The following LIPE variants were observed in gnomAD, a reference collection of about 807,000 sequenced individuals.
The protein encoded by LIPE is lipase E, hormone sensitive type.
LIPE carries 66 observed loss-of-function variants against 88.5 expected under a neutral mutation model. The observed-to-expected ratio is 0.75, with a 90% CI of 0.61 to 0.91. LIPE has a LOEUF of 0.91. LIPE is among the 40% of genes least tolerant of loss of function. The pLI, the probability that LIPE is intolerant of heterozygous loss-of-function variation, is 0.00. For missense variants in LIPE, 1,346 were observed against 1,434.7 expected, an observed-to-expected ratio of 0.94 and a Z score of 1.00; for synonymous variants, 570 against 617.5, an observed-to-expected ratio of 0.92 and a Z score of 1.14.
At chr19:42,412,725 G>T in intron 1 of LIPE, 1 of 230,890 alleles carries the variant, frequency 4.3e-6, no homozygotes, top group Non-Finnish European at 7.1e-6. Flanking sequence ...CCCCAGTCCT[G>T]AACAAACCGT....
intron 1 of LIPE, chr19:42,423,731 A>G: frequency 1.8e-6 from 2 of 1,130,552 alleles, no homozygotes; most frequent in Non-Finnish European, 2.2e-6. Context: ...AGAATTTAAG[A>G]TCTGGCTCCG....
chr19:42,412,995 C>T (rs544867594), intron 1 of LIPE, among the ~76,000 whole-genome samples: 4 of 152,296 alleles, frequency 2.6e-5, no homozygotes, highest in East Asian at 3.9e-4. Context: ...GTAACCTGGA[C>T]CTGCCACTTA....
intron 1 of LIPE, among the ~76,000 whole-genome samples, chr19:42,418,770 G>C (rs1332373928): frequency 6.6e-6 from 1 of 152,184 alleles, no homozygotes; most frequent in Admixed American, 6.5e-5. Context: ...CAACAAATTT[G>C]TGTGACTCAC....
intron 1 of LIPE, chr19:42,424,865 G>C (rs1375692655): frequency 2.0e-5 from 7 of 352,166 alleles, no homozygotes; most frequent in Non-Finnish European, 3.4e-5. Flanking sequence ...AAGCAGGCAG[G>C]GGGCAGCACT....
intron 9 of LIPE, 73 bp from the exon 10 acceptor site, chr19:42,402,148 G>GC: frequency 7.3e-7 from 1 of 1,362,320 alleles, no homozygotes; most frequent in Admixed American, 3.2e-5. Context: ...GAGCGAGGAG[G>GC]GGTTTGATGA....
At chr19:42,421,996 C>T (rs2040607414) in intron 1 of LIPE, among the ~76,000 whole-genome samples, 1 of 152,176 alleles carries the variant, frequency 6.6e-6, no homozygotes, top group Admixed American at 6.5e-5. Flanking sequence ...CTAAGGGAAG[C>T]GTGATTATTA....
At position 42,427,041 on chromosome 19, in the gene LIPE, G is replaced by A. The variant is rs139955655; in HGVS notation, c.109C>T (p.Pro37Ser). 23 of 1,613,946 alleles carry A rather than the reference G, an allele frequency of 1.4e-5. No individual in the cohort carries two copies. The highest frequency in any genetic ancestry group is 1.9e-5 in the Non-Finnish European group (22 of 1,180,026). ...PGPEKTPIAQPESKTLQGSNT... is the reference protein window; with the variant it reads ...PGPEKTPIAQSESKTLQGSNT... ...GATCCCTGCAGAGTCTTCGATTCTG[G>A]CTGGGCTATGGGTGTCTTTTCTGGC... Residue 37 changes from proline (P) to serine (S), a missense_variant, in exon 1 of 10, where the codon CCA becomes TCA. By Grantham distance (74) the Pro-to-Ser change is moderately conservative. Coordinates refer to ENST00000244289, the MANE Select transcript of LIPE (RefSeq NM_005357.4).
chr19:42,410,680 TCCAG>T lies in LIPE; in HGVS notation c.1042_1045del (p.Leu348SerfsTer28), dbSNP rs1239550402. 3 of 1,612,294 alleles carry T rather than the reference TCCAG, an allele frequency of 1.9e-6. No individual in the cohort carries two copies. The African/African-American group carries it at 4.0e-5, about 22-fold the overall frequency. ...ACCCAGCAGGCGGCCCAGGGCCGGC[TCCAG>T]CCCCAGCGCCTGCTCCCGTACACCG... On this transcript the variant is annotated frameshift_variant, in exon 2 of 10. Transcript: ENST00000244289. LOFTEE classifies it high-confidence loss of function. This position sits in a 1 kb window ranked among gnomAD's most constrained non-coding sequence, Gnocchi z 6.1.
Position 42,406,635 on chromosome 19 carries a change from G to A in LIPE, c.2138-247C>T, listed in dbSNP as rs1301731225. Among the ~76,000 whole-genome samples, 3 of 152,054 alleles carry A rather than the reference G, an allele frequency of 2.0e-5. No individual in the cohort carries two copies. Among genetic ancestry groups the A allele is most frequent in the Admixed American group, 2.0e-4 (3 of 15,274 alleles). On this transcript the variant is annotated intron_variant, in intron 6 of 9. Coordinates refer to ENST00000244289, the MANE Select transcript of LIPE (RefSeq NM_005357.4). The surrounding 1 kb of genome is among the most constrained non-coding windows in gnomAD (Gnocchi z 5.7). Reference sequence around the variant, plus strand: ...CAGGGAAGCACTGGGAAAGTCTGTCGGGGCTGGAGGTTGGGAGCAGGGAGG... The same window carrying A: ...CAGGGAAGCACTGGGAAAGTCTGTCAGGGCTGGAGGTTGGGAGCAGGGAGG...
chr19:42,423,356 C>A, intron 1 of LIPE: 1 of 1,218,348 alleles, frequency 8.2e-7, no homozygotes, highest in Non-Finnish European at 1.1e-6. Context: ...TCCACGCTGT[C>A]CCCACTGCCC....
At chr19:42,411,467 A>G (rs1294942225) in intron 1 of LIPE, 1 of 255,832 alleles carries the variant, frequency 3.9e-6, no homozygotes, top group Non-Finnish European at 6.1e-6. Flanking sequence ...TTAGGCCCCA[A>G]GTGCTACCCA....
chr19:42,407,748 A>C lies in LIPE; in HGVS notation c.1700T>G (p.Leu567Arg), dbSNP rs372932853. Residue 567 changes from leucine (L) to arginine (R), a missense_variant, in exon 5 of 10, where the codon CTG (leucine) becomes CGG (arginine). Coordinates refer to ENST00000244289, the MANE Select transcript of LIPE (RefSeq NM_005357.4). This position sits in a 1 kb window ranked among gnomAD's most constrained non-coding sequence, Gnocchi z 5.8. The part of the protein sequence containing the change: ...MASATVRVSR[L>R]LSLPPEAFEM... ...AAAGGCTTCGGGTGGCAGGCTGAGC[A>C]GGCGGCTTACCCTCACGGTGGCCGA... 1.3e-6 allele frequency: 2 copies of C among 1,562,152 alleles called. No homozygotes were observed. The highest frequency in any genetic ancestry group is 2.7e-5 in the African/African-American group (2 of 73,296).
At chr19:42,402,149 G>T in intron 9 of LIPE, 74 bp from the exon 10 acceptor site, 3 of 1,357,218 alleles carry the variant, frequency 2.2e-6, no homozygotes, top group Non-Finnish European at 2.9e-6. Context: ...AGCGAGGAGG[G>T]GTTTGATGAA....
chr19:42,418,232 C>T (rs1438184080), intron 1 of LIPE, among the ~76,000 whole-genome samples: 1 of 152,184 alleles, frequency 6.6e-6, no homozygotes, highest in Non-Finnish European at 1.5e-5. Context: ...ATTTGCCCAC[C>T]TCGGCCTCCC....
chr19:42,408,317 C>A lies in LIPE; in HGVS notation c.1425G>T (p.Thr475=). The change falls in exon 3 of 10, where the codon ACG becomes ACT. Residue 475 remains threonine, a synonymous_variant. Coordinates refer to ENST00000244289, the MANE Select transcript of LIPE (RefSeq NM_005357.4). This position sits in a 1 kb window ranked among gnomAD's most constrained non-coding sequence, Gnocchi z 4.3. The part of the protein sequence containing the change: ...FYGRCLGFQF[T]PAIRPFLQTI... ...TCTGCAGGAATGGCCGGATGGCAGG[C>A]GTGAACTGTGGAGAGACGCGGCTGC... 1 of 1,613,944 alleles carries A rather than the reference C, an allele frequency of 6.2e-7. No homozygotes were observed. Among genetic ancestry groups the A allele is most frequent in the East Asian group, 2.2e-5 (1 of 44,874 alleles).
rs1162090506 is a variant in LIPE, at chr19:42,406,183, G to A, written c.2343C>T (p.Ser781=). The change falls in exon 7 of 10, where the codon TCC becomes TCT. Residue 781 remains serine, a synonymous_variant. Coordinates refer to ENST00000244289, the MANE Select transcript of LIPE (RefSeq NM_005357.4). This position sits in a 1 kb window ranked among gnomAD's most constrained non-coding sequence, Gnocchi z 5.7. ...MDPLLPLSVL[S]KCVSAYAGAK... ...CACCAGCATAGGCGCTGACACACTT[G>A]GAGAGCACACTGAGGGGCAGCAAGG... 6.2e-7 allele frequency: 1 copy of A among 1,612,056 alleles called. No homozygotes were observed. Among genetic ancestry groups the A allele is most frequent in the East Asian group, 2.2e-5 (1 of 44,824 alleles).
Position 42,405,458 on chromosome 19 carries a change from AC to A in LIPE, c.2468del (p.Gly823ValfsTer12). 6.2e-7 allele frequency: 1 copy of A among 1,613,700 alleles called. No individual in the cohort carries two copies. The highest frequency in any genetic ancestry group is 8.5e-7 in the Non-Finnish European group (1 of 1,179,910). The stretch of plus-strand genomic sequence containing the variant: ...GGAAGGAGTTGAGCCATGAGGAGGC[AC>A]CCAGGCGGAAGTCTCGGAGGAGCAG... The part of the protein sequence containing the change: ...TALLLRDFRL[G>X]ASSWLNSFLE... On this transcript the variant is annotated frameshift_variant, in exon 8 of 10. Coordinates refer to ENST00000244289, the MANE Select transcript of LIPE (RefSeq NM_005357.4). LOFTEE classifies it high-confidence loss of function.
At chr19:42,420,694 C>T (rs143019042) in intron 1 of LIPE, among the ~76,000 whole-genome samples, 13 of 152,070 alleles carry the variant, frequency 8.5e-5, no homozygotes, top group African/African-American at 2.4e-4. Flanking sequence ...CTGGTCCAGG[C>T]GGTAGCATCA....
intron 7 of LIPE, 200 bp downstream of exon 7, chr19:42,405,961 G>GTCTGTCTC (rs1555788409): frequency 6.5e-5 from 32 of 491,424 alleles, no homozygotes; most frequent in African/African-American, 5.2e-4. Context: ...GTGTCTGTCT[G>GTCTGTCTC]TCTCTCTCTC....
Sources: gnomAD v4.1 joint callset for allele counts (sites outside exome capture counted in the v4.1 genomes callset) on GRCh38, gnomAD v4.1.1 for gene constraint, Gnocchi (gnomAD v3.1) non-coding constraint, MANE v1.5 for transcripts, NCBI Gene and HGNC (gene_info 2026-07-23, HGNC 2026-07-21) for gene names.